Variants in TOR3A observed in about 807,000 individuals in gnomAD.
TOR3A encodes torsin family 3 member A.
A neutral mutation model predicts 42.1 loss-of-function variants in TOR3A; 44 were observed. The observed-to-expected ratio is 1.04, with a 90% CI of 0.82 to 1.34. TOR3A has a LOEUF of 1.34. Ranked by LOEUF, TOR3A falls within the 40% of genes most tolerant of loss-of-function variation. The probability of loss-of-function intolerance (pLI) is 0.00; values close to 1 mark genes in which losing one functional copy is unlikely to be tolerated. For missense variants in TOR3A, 521 were observed against 507.6 expected, an observed-to-expected ratio of 1.03 and a Z score of -0.25; for synonymous variants, 227 against 213.2, an observed-to-expected ratio of 1.06 and a Z score of -0.57.
In TOR3A at chr1:179,094,993, T is replaced by C; in HGVS notation, c.969T>C (p.Leu323=). Residue 323 remains leucine, a synonymous_variant, in exon 6 of 6, where the codon CTT becomes CTC. Transcript: ENST00000367627. ...ACAATGGCTTTGGCCACAGCCGTCT[T>C]GTGAAGGAAAACCTGATTGACTACT... ...TIDNGFGHSR[L]VKENLIDYFI... 6.2e-7 allele frequency: 1 copy of C among 1,614,206 alleles called. No individual in the cohort carries two copies. Among genetic ancestry groups the C allele is most frequent in the Admixed American group, 1.7e-5 (1 of 60,026 alleles).
intron 3 of TOR3A, 30 bp from the exon 4 acceptor site, chr1:179,087,881 T>C (rs1315317339): frequency 1.3e-6 from 2 of 1,515,004 alleles, no homozygotes; most frequent in Non-Finnish European, 1.8e-6. Context: ...GAGTCACCAC[T>C]TCCCCAGCTG....
intron 4 of TOR3A, among the ~76,000 whole-genome samples, chr1:179,093,296 C>T (rs1285631629): frequency 2.0e-5 from 3 of 152,160 alleles, no homozygotes; most frequent in Non-Finnish European, 2.9e-5. Context: ...CCCGTAATTC[C>T]AGTTGCCCAG....
At chr1:179,086,030 T>C in intron 3 of TOR3A, 137 bp downstream of exon 3, 1 of 1,031,010 alleles carries the variant, frequency 9.7e-7, no homozygotes, top group Non-Finnish European at 1.4e-6. Flanking sequence ...ACAGAGCCAC[T>C]CCGTCCACTC....
chr1:179,093,910 A>C (rs1345951454), intron 4 of TOR3A, among the ~76,000 whole-genome samples, 183 bp from the exon 5 acceptor site: 1 of 152,210 alleles, frequency 6.6e-6, no homozygotes. Flanking sequence ...AAAACTGGAC[A>C]GTGTCTTTTC....
At position 179,082,373 on chromosome 1, in the gene TOR3A, C is replaced by G; in HGVS notation, c.245C>G (p.Ala82Gly). ...PDDCDEDEEA[A>G]TGPLGWRLPL... ...GACTGTGACGAGGACGAGGAGGCAG[C>G]CACGGGGCCCCTGGGTAAGACCCCG... The change falls in exon 1 of 6, where the codon GCC (alanine) becomes GGC (glycine). Residue 82 changes from alanine (A) to glycine (G), a missense_variant. Physicochemically the swap from Ala to Gly is moderately conservative, Grantham distance 60. Transcript: ENST00000367627. The G allele has an allele frequency of 6.2e-7, 1 of 1,605,274 alleles. No individual in the cohort carries two copies. Among genetic ancestry groups the G allele is most frequent in the African/African-American group, 1.4e-5 (1 of 73,890 alleles).
intron 4 of TOR3A, among the ~76,000 whole-genome samples, chr1:179,093,776 C>A (rs939013739): frequency 2.0e-5 from 3 of 152,202 alleles, no homozygotes; most frequent in African/African-American, 7.2e-5. Flanking sequence ...TGTCCTGGAA[C>A]CGAATACACG....
At chr1:179,092,184 G>GT (rs2102546135) in intron 4 of TOR3A, among the ~76,000 whole-genome samples, 1 of 152,340 alleles carries the variant, frequency 6.6e-6, no homozygotes, top group East Asian at 1.9e-4. Flanking sequence ...CTACGCAATG[G>GT]TGGAGGCAGG....
intron 3 of TOR3A, among the ~76,000 whole-genome samples, chr1:179,087,497 G>A (rs926515355): frequency 3.3e-5 from 5 of 152,226 alleles, no homozygotes; most frequent in African/African-American, 9.6e-5. Context: ...GGGAAGTTGC[G>A]CCTGGATGTT....
intron 4 of TOR3A, among the ~76,000 whole-genome samples, chr1:179,092,111 G>A (rs988048630): frequency 1.3e-5 from 2 of 152,222 alleles, no homozygotes; most frequent in Non-Finnish European, 2.9e-5. Context: ...CACCTAGCTA[G>A]ACAACTTGGC....
At chr1:179,087,585 G>A (rs1223365524) in intron 3 of TOR3A, among the ~76,000 whole-genome samples, 2 of 152,332 alleles carry the variant, frequency 1.3e-5, no homozygotes, top group East Asian at 3.9e-4. Flanking sequence ...CTGGAGAGGA[G>A]AGAGCAGGGC....
chr1:179,085,540 A>C, intron 2 of TOR3A, 88 bp from the exon 3 acceptor site: 3 of 1,521,332 alleles, frequency 2.0e-6, no homozygotes, highest in Non-Finnish European at 2.7e-6. Context: ...AGAGAGATTC[A>C]GAGTTGCTTG....
intron 4 of TOR3A, among the ~76,000 whole-genome samples, chr1:179,092,108 C>T (rs1652605758): frequency 6.6e-6 from 1 of 152,238 alleles, no homozygotes; most frequent in Non-Finnish European, 1.5e-5. Context: ...AGGCACCTAG[C>T]TAGACAACTT....
chr1:179,083,003 T>C lies in TOR3A; in HGVS notation c.323T>C (p.Phe108Ser), dbSNP rs757563900. Reference sequence around the variant, plus strand: ...CTCCTGACCACGTGGTACTGCAGCTTCAAAGACTGCTGCCCTAGAGGGGAT... The same window carrying C: ...CTCCTGACCACGTGGTACTGCAGCTCCAAAGACTGCTGCCCTAGAGGGGAT... ...LDLLTTWYCS[F>S]KDCCPRGDCR... The change falls in exon 2 of 6, where the codon TTC (phenylalanine) becomes TCC (serine). Residue 108 changes from phenylalanine (F) to serine (S), a missense_variant. Transcript: ENST00000367627. 10 of 1,588,438 alleles carry C rather than the reference T, an allele frequency of 6.3e-6. No homozygotes were observed. Among genetic ancestry groups the C allele is most frequent in the Non-Finnish European group, 8.6e-6 (10 of 1,168,290 alleles).
At position 179,083,804 on chromosome 1, in the gene TOR3A, T is replaced by C. The variant is rs371949708; in HGVS notation, c.373+751T>C. Among the ~76,000 whole-genome samples the C allele has an allele frequency of 6.6e-5, 10 of 152,330 alleles. No homozygotes were observed. In the East Asian group the frequency reaches 1.7e-3, roughly 26 times the overall value. Reference sequence around the variant, plus strand: ...CAAGGTGATCTTTGGCCCCATGTTCTGAAACCTGTTCAGACATTTGCAAAA... The same window carrying C: ...CAAGGTGATCTTTGGCCCCATGTTCCGAAACCTGTTCAGACATTTGCAAAA... On this transcript the variant is annotated intron_variant, in intron 2 of 5. Coordinates refer to ENST00000367627, the MANE Select transcript of TOR3A (RefSeq NM_022371.4).
intron 4 of TOR3A, among the ~76,000 whole-genome samples, chr1:179,090,889 T>C (rs1652563148): frequency 6.6e-6 from 1 of 152,164 alleles, no homozygotes; most frequent in Non-Finnish European, 1.5e-5. Flanking sequence ...TGTGCTGTTG[T>C]CAGGAAAAGG....
chr1:179,094,890 A>G lies in TOR3A; in HGVS notation c.944-78A>G, dbSNP rs1652690674. 3.5e-6 allele frequency: 5 copies of G among 1,429,440 alleles called. No individual in the cohort carries two copies. The South Asian group carries it at 3.5e-5, about 10-fold the overall frequency. The allele number at this position is 1,429,440 out of a possible 1,614,324, so 88.5% of individuals were successfully genotyped here. A position where few individuals can be genotyped will look rare whatever the true frequency, so the allele number is the denominator to read the frequency against. On this transcript the variant is annotated intron_variant, in intron 5 of 5. Coordinates refer to ENST00000367627, the MANE Select transcript of TOR3A (RefSeq NM_022371.4). ...AAGCCCCTGTTTCAAAGAAACCAACAGCAACCCCCACCCCCGCTAAATTCC... is the reference window on the plus strand; with the variant it reads ...AAGCCCCTGTTTCAAAGAAACCAACGGCAACCCCCACCCCCGCTAAATTCC...
At chr1:179,088,985 A>C (rs1424644738) in intron 4 of TOR3A, among the ~76,000 whole-genome samples, 1 of 152,084 alleles carries the variant, frequency 6.6e-6, no homozygotes, top group Non-Finnish European at 1.5e-5. Flanking sequence ...GGGGTTTCCC[A>C]AGCTGCAGGG....
At chr1:179,086,728 C>T (rs1557887414) in intron 3 of TOR3A, among the ~76,000 whole-genome samples, 1 of 151,702 alleles carries the variant, frequency 6.6e-6, no homozygotes, top group Non-Finnish European at 1.5e-5. Context: ...CATGTCTTCC[C>T]GTATCAGCTT....
intron 3 of TOR3A, among the ~76,000 whole-genome samples, chr1:179,086,119 C>G (rs574235070): frequency 1.3e-5 from 2 of 152,192 alleles, no homozygotes; most frequent in African/African-American, 2.4e-5. Context: ...CAGCCACACT[C>G]GAGAGGCTGG....
Sources: gnomAD v4.1 joint callset for allele counts (sites outside exome capture counted in the v4.1 genomes callset) on GRCh38, gnomAD v4.1.1 for gene constraint, MANE v1.5 for transcripts, NCBI Gene and HGNC (gene_info 2026-07-23, HGNC 2026-07-21) for gene names.